MPP7: variants seen among roughly 807,000 people sequenced by gnomAD.
MPP7 encodes the protein MAGUK p55 scaffold protein 7.
MPP7 carries 60 observed loss-of-function variants against 76.5 expected under a neutral mutation model. The observed-to-expected ratio is 0.78, with a 90% CI of 0.64 to 0.97. The LOEUF is 0.97. MPP7 is among the 50% of genes least tolerant of loss of function. The pLI is 0.00. For synonymous variants in MPP7, 237 were observed against 244.5 expected, an observed-to-expected ratio of 0.97 and a Z score of 0.29; for missense variants, 641 against 694.0, an observed-to-expected ratio of 0.92 and a Z score of 0.86.
chr10:28,265,797 G>A lies in MPP7; in HGVS notation c.-131-27062C>T, dbSNP rs1311761485. On this transcript the variant is annotated intron_variant, in intron 1 of 16. Coordinates refer to ENST00000683449, the MANE Select transcript of MPP7 (RefSeq NM_001318170.2). ...ATGAAATCCAATAAGCAGAGTAAGT[G>A]CAGAGGAAAGGGAAAGAATGGGTTT... Among the ~76,000 whole-genome samples the A allele has an allele frequency of 2.0e-5, 3 of 152,160 alleles. No individual in the cohort carries two copies. In the East Asian group the frequency reaches 5.8e-4, roughly 29 times the overall value.
intron 2 of MPP7, among the ~76,000 whole-genome samples, chr10:28,206,846 T>C (rs1363357598): frequency 6.6e-6 from 1 of 152,312 alleles, no homozygotes; most frequent in South Asian, 2.1e-4. Flanking sequence ...ATCTTTAACG[T>C]TGGCAAATGT....
intron 11 of MPP7, among the ~76,000 whole-genome samples, chr10:28,102,107 G>C (rs1477088389): frequency 6.7e-6 from 1 of 150,156 alleles, no homozygotes. Flanking sequence ...TGCAATTCAT[G>C]TTTACAGCAT....
At chr10:28,124,160 C>A (rs1207099124) in intron 7 of MPP7, 44 bp from the exon 8 acceptor site, 2 of 1,280,402 alleles carry the variant, frequency 1.6e-6, no homozygotes, top group African/African-American at 2.9e-5. Flanking sequence ...TTACCCACAA[C>A]CAAAACTGTA....
At chr10:28,308,560 G>T (rs1009823044) in intron 2 of MPP7, among the ~76,000 whole-genome samples, 5 of 152,292 alleles carry the variant, frequency 3.3e-5, no homozygotes, top group Admixed American at 2.6e-4. Flanking sequence ...TCACCAAGGG[G>T]CTAGGATATT....
intron 13 of MPP7, among the ~76,000 whole-genome samples, chr10:28,060,924 A>T (rs929394380): frequency 2.0e-5 from 3 of 152,222 alleles, no homozygotes; most frequent in Admixed American, 2.0e-4. Flanking sequence ...GCCAATGAAG[A>T]AAAGGCTTAA....
intron 3 of MPP7, 103 bp from the exon 4 acceptor site, chr10:28,150,162 TAA>T: frequency 2.6e-6 from 2 of 775,910 alleles, no homozygotes; most frequent in Non-Finnish European, 4.3e-6. Flanking sequence ...TTGAATATCC[TAA>T]AGTTATATGT....
At chr10:28,214,540 G>A (rs1398928275) in intron 2 of MPP7, among the ~76,000 whole-genome samples, 2 of 151,422 alleles carry the variant, frequency 1.3e-5, no homozygotes, top group Non-Finnish European at 2.9e-5. Context: ...CACAAACACC[G>A]AGTGCTTACT....
chr10:28,309,756 G>A (rs904812703), intron 2 of MPP7, among the ~76,000 whole-genome samples: 16 of 152,120 alleles, frequency 1.1e-4, no homozygotes, highest in African/African-American at 2.9e-4. Context: ...CGGATCCCTC[G>A]TGGCTTGGTG....
chr10:28,265,305 T>G (rs1399379596), intron 1 of MPP7, among the ~76,000 whole-genome samples: 2 of 152,206 alleles, frequency 1.3e-5, no homozygotes. Context: ...AAGCTTGTAA[T>G]CCCAACACTT....
intron 3 of MPP7, among the ~76,000 whole-genome samples, chr10:28,170,986 C>T (rs535939113): frequency 6.6e-6 from 1 of 152,310 alleles, no homozygotes; most frequent in South Asian, 2.1e-4. Context: ...CCTACACGCT[C>T]TGAGGAATAG....
At position 28,071,506 on chromosome 10, in the gene MPP7, C is replaced by T. The variant is rs185878278; in HGVS notation, c.1124-1654G>A. ...CTTTCCCTTTTCTGTAAGACAGCAA[C>T]TCTCAATTCTCCCTCTTATAATAAA... On this transcript the variant is annotated intron_variant, in intron 12 of 16. Transcript: ENST00000683449. Among the ~76,000 whole-genome samples, 65 of 152,274 alleles carry T rather than the reference C, an allele frequency of 4.3e-4. 2 individuals are homozygous for T. In the East Asian group the frequency reaches 0.01, roughly 23 times the overall value.
At chr10:28,147,654 G>A in intron 4 of MPP7, 91 bp from the exon 5 acceptor site, 5 of 1,081,106 alleles carry the variant, frequency 4.6e-6, no homozygotes, top group Non-Finnish European at 7.1e-6. Context: ...CTTGCTCAAG[G>A]CTATTACTTT....
chr10:28,234,835 G>A (rs868865804), intron 2 of MPP7, among the ~76,000 whole-genome samples: 2,372 of 152,160 alleles, frequency 0.016, 68 homozygotes, highest in African/African-American at 0.052. Flanking sequence ...TTTTGAGACA[G>A]GGTCTCACTC....
At chr10:28,272,733 A>C (rs550014758) in intron 1 of MPP7, among the ~76,000 whole-genome samples, 79 of 151,988 alleles carry the variant, frequency 5.2e-4, no homozygotes, top group African/African-American at 1.9e-3. Context: ...TCTTAGTTTA[A>C]AAAAAAAGAA....
At chr10:28,332,243 ATGCGTG>A (rs1308905867) in intron 1 of MPP7, among the ~76,000 whole-genome samples, 111 of 102,044 alleles carry the variant, frequency 1.1e-3, no homozygotes, top group African/African-American at 4.5e-3. Flanking sequence ...TGTCAAATGT[ATGCGTG>A]TGTGTGTGTG....
chr10:28,247,679 C>G (rs1839481639), intron 1 of MPP7, among the ~76,000 whole-genome samples: 3 of 152,152 alleles, frequency 2.0e-5, no homozygotes, highest in African/African-American at 7.2e-5. Context: ...ATGCTAAGAA[C>G]AAACCAAGAT....
intron 1 of MPP7, among the ~76,000 whole-genome samples, chr10:28,277,913 A>T (rs1286251344): frequency 2.0e-5 from 3 of 152,052 alleles, no homozygotes; most frequent in South Asian, 2.1e-4. Flanking sequence ...CTAAACAGAA[A>T]AGGAATCCAT....
chr10:28,265,181 T>A (rs1191382608), intron 1 of MPP7, among the ~76,000 whole-genome samples: 1 of 152,218 alleles, frequency 6.6e-6, no homozygotes, highest in East Asian at 1.9e-4. Context: ...TAGACCTGAG[T>A]CAACAGGTTA....
chr10:28,064,098 A>C (rs1851899581), intron 13 of MPP7, among the ~76,000 whole-genome samples: 1 of 152,216 alleles, frequency 6.6e-6, no homozygotes, highest in Non-Finnish European at 1.5e-5. Flanking sequence ...AAGAGAAACA[A>C]AAACATATTT....
Sources: gnomAD v4.1 joint callset for allele counts (sites outside exome capture counted in the v4.1 genomes callset) on GRCh38, gnomAD v4.1.1 for gene constraint, MANE v1.5 for transcripts, NCBI Gene and HGNC (gene_info 2026-07-23, HGNC 2026-07-21) for gene names.